Variants in MYOCD observed in about 807,000 individuals in gnomAD.
The protein encoded by MYOCD is myocardin.
In MYOCD, 32 loss-of-function variants were observed where a neutral mutation model predicts 96.1. That is an observed-to-expected ratio of 0.33 (90% CI 0.25 to 0.45). MYOCD has a LOEUF of 0.45. Ranked by LOEUF, MYOCD falls within the 20% of genes least tolerant of loss-of-function variation. MYOCD has a pLI of 1.00. For missense variants in MYOCD, 1,133 were observed against 1,200.6 expected (o/e 0.94, Z 0.83); for synonymous variants, 469 against 469.0 (o/e 1.00, Z 0.00).
intron 1 of MYOCD, among the ~76,000 whole-genome samples, chr17:12,698,935 G>T (rs560579768): frequency 6.6e-6 from 1 of 151,360 alleles, no homozygotes; most frequent in South Asian, 2.1e-4. Context: ...GTAAAGACGG[G>T]GTTTCACCGT....
chr17:12,685,242 G>A (rs1325719294), intron 1 of MYOCD, among the ~76,000 whole-genome samples: 1 of 152,158 alleles, frequency 6.6e-6, no homozygotes, highest in Non-Finnish European at 1.5e-5. Context: ...GAGGTTGGCA[G>A]TGAGCCAAGA....
chr17:12,672,877 T>C (rs1375702064), intron 1 of MYOCD, among the ~76,000 whole-genome samples: 2 of 152,200 alleles, frequency 1.3e-5, no homozygotes, highest in African/African-American at 4.8e-5. Context: ...AAATACTTAG[T>C]ATGTCTTTAT....
intron 1 of MYOCD, 58 bp from the exon 2 acceptor site, chr17:12,705,070 A>G (rs2031233771): frequency 2.8e-6 from 3 of 1,077,960 alleles, no homozygotes; most frequent in Non-Finnish European, 2.8e-6. Flanking sequence ...TGTAATGAAA[A>G]TATAATGATT....
Position 12,765,311 on chromosome 17 carries a change from T to C in MYOCD, c.*1667T>C, listed in dbSNP as rs1257798466. On this transcript the variant is annotated 3_prime_UTR_variant, in exon 14 of 14. Transcript: ENST00000425538. Reference sequence around the variant, plus strand: ...ATCACTAAGGCACTGTTTTTATCTTTTGTAAAAAAAAAAAAAAAGTTGTTC... The same window carrying C: ...ATCACTAAGGCACTGTTTTTATCTTCTGTAAAAAAAAAAAAAAAGTTGTTC... 2.0e-5 allele frequency: 3 copies of C among 146,456 alleles called. No individual in the cohort carries two copies. Among genetic ancestry groups the C allele is most frequent in the African/African-American group, 7.8e-5 (3 of 38,608 alleles). 9.1% of individuals were successfully genotyped at this position (146,456 alleles called of 1,614,324 possible). A position where few individuals can be genotyped will look rare whatever the true frequency, so the allele number is the denominator to read the frequency against.
chr17:12,752,537 G>T lies in MYOCD; in HGVS notation c.1249G>T (p.Asp417Tyr), dbSNP rs201634014. Residue 417 changes from aspartate (D) to tyrosine (Y), a missense_variant, in exon 10 of 14, where the codon GAT becomes TAT. Physicochemically the swap from Asp to Tyr is radical, Grantham distance 160 (BLOSUM62 -3). Transcript: ENST00000425538. Reference sequence around the variant, plus strand: ...TGGCAACCCAGTGCCGAACTTTGGGGATATAACGACTGTCACTTTTCCTGT... The same window carrying T: ...TGGCAACCCAGTGCCGAACTTTGGGTATATAACGACTGTCACTTTTCCTGT... ...CSGNPVPNFG[D>Y]ITTVTFPVTP... 1 of 1,614,142 alleles carries T rather than the reference G, an allele frequency of 6.2e-7. No homozygotes were observed. The highest frequency in any genetic ancestry group is 8.5e-7 in the Non-Finnish European group (1 of 1,180,028).
At chr17:12,699,937 C>T (rs1402492179) in intron 1 of MYOCD, among the ~76,000 whole-genome samples, 4 of 91,346 alleles carry the variant, frequency 4.4e-5, no homozygotes, top group Admixed American at 1.8e-4. Context: ...GAGATGGAGT[C>T]TTGCTCTTGT....
At chr17:12,733,011 AC>A (rs1295990135) in intron 5 of MYOCD, among the ~76,000 whole-genome samples, 1 of 152,140 alleles carries the variant, frequency 6.6e-6, no homozygotes, top group African/African-American at 2.4e-5. Flanking sequence ...TTAGCATATG[AC>A]CTATGTATAC....
At chr17:12,687,294 G>A (rs1235390582) in intron 1 of MYOCD, among the ~76,000 whole-genome samples, 1 of 152,128 alleles carries the variant, frequency 6.6e-6, no homozygotes, top group African/African-American at 2.4e-5. Context: ...CTGGAGCCCA[G>A]AGAGATGAAT....
intron 10 of MYOCD, among the ~76,000 whole-genome samples, chr17:12,755,280 A>G (rs965095165): frequency 6.6e-6 from 1 of 152,194 alleles, no homozygotes; most frequent in African/African-American, 2.4e-5. Context: ...ATGGTTCACA[A>G]AGACTCTTTG....
At chr17:12,724,262 G>A (rs2150691851) in intron 5 of MYOCD, among the ~76,000 whole-genome samples, 1 of 152,246 alleles carries the variant, frequency 6.6e-6, no homozygotes. Context: ...TTGAGTGCAT[G>A]TAAATTTAAG....
intron 9 of MYOCD, among the ~76,000 whole-genome samples, chr17:12,749,612 C>CAT (rs376733393): frequency 0.039 from 5,750 of 146,496 alleles, 241 homozygotes; most frequent in East Asian, 0.19. Context: ...TATATATACA[C>CAT]ATGTCTCAAA....
chr17:12,717,618 G>A (rs941100454), intron 4 of MYOCD, among the ~76,000 whole-genome samples, 197 bp downstream of exon 4: 3 of 152,192 alleles, frequency 2.0e-5, no homozygotes, highest in Admixed American at 6.5e-5. Context: ...ATGGTTAAGC[G>A]GGTTAGAGAC....
chr17:12,736,128 C>T (rs1487520600), intron 5 of MYOCD, 33 bp from the exon 6 acceptor site: 1 of 1,605,562 alleles, frequency 6.2e-7, no homozygotes. Context: ...GCTCCTAAGC[C>T]ACTGACCAAG....
intron 5 of MYOCD, among the ~76,000 whole-genome samples, chr17:12,732,666 T>A (rs567740469): frequency 3.0e-4 from 46 of 152,268 alleles, no homozygotes; most frequent in African/African-American, 9.9e-4. Flanking sequence ...ACGCAACAAT[T>A]TAGGAATGCT....
At chr17:12,677,423 A>AGT (rs1441992486) in intron 1 of MYOCD, among the ~76,000 whole-genome samples, 46 of 152,228 alleles carry the variant, frequency 3.0e-4, no homozygotes, top group African/African-American at 1.0e-3. Context: ...ATTAAAAAAA[A>AGT]ACTTATAGGC....
intron 1 of MYOCD, among the ~76,000 whole-genome samples, chr17:12,680,628 T>C (rs1329583389): frequency 6.6e-6 from 1 of 152,220 alleles, no homozygotes; most frequent in Non-Finnish European, 1.5e-5. Context: ...GTCTGCTTAA[T>C]TCACTCATGG....
chr17:12,758,822 G>A (rs1342137904), intron 12 of MYOCD, among the ~76,000 whole-genome samples: 1 of 152,210 alleles, frequency 6.6e-6, no homozygotes, highest in African/African-American at 2.4e-5. Flanking sequence ...GCCAAGGTGA[G>A]TGGATCACCT....
At chr17:12,743,880 G>A (rs1340707447) in intron 7 of MYOCD, among the ~76,000 whole-genome samples, 1 of 152,142 alleles carries the variant, frequency 6.6e-6, no homozygotes, top group African/African-American at 2.4e-5. Flanking sequence ...TTAGGAGAAT[G>A]CACTCATTGA....
At chr17:12,740,118 A>T (rs958709542) in intron 7 of MYOCD, among the ~76,000 whole-genome samples, 1 of 151,962 alleles carries the variant, frequency 6.6e-6, no homozygotes, top group South Asian at 2.1e-4. Flanking sequence ...TGTGTTTTTC[A>T]TAGAGATGGG....
Sources: allele counts gnomAD v4.1 joint callset (sites outside exome capture counted in the v4.1 genomes callset), GRCh38; gene constraint gnomAD v4.1.1; transcripts MANE v1.5; gene names NCBI Gene and HGNC (gene_info 2026-07-23, HGNC 2026-07-21).